RASAL1: variants seen among roughly 807,000 people sequenced by gnomAD.
RASAL1 encodes rasGAP-activating-like protein 1.
A neutral mutation model predicts 96.6 loss-of-function variants in RASAL1; 72 were observed. The ratio of observed to expected loss-of-function variants is 0.75; its 90% CI spans 0.62 to 0.91. The LOEUF is 0.91. Ranked by LOEUF, RASAL1 falls within the 40% of genes least tolerant of loss-of-function variation. The pLI is 0.00. For synonymous variants in RASAL1, 405 were observed against 430.4 expected (o/e 0.94, Z 0.73); for missense variants, 1,016 against 1,072.5 (o/e 0.95, Z 0.74).
rs1168223358 is a variant in RASAL1 at position 113,130,143 on chromosome 12, A to T, written c.122+742T>A. ...GGAACCAAGGCCTCAGCCACCCACC[A>T]GCCCACCCACCCCCATCAGGCCTCC... On this transcript the variant is annotated intron_variant, in intron 2 of 20. Coordinates refer to ENST00000548055, the MANE Select transcript of RASAL1 (RefSeq NM_001301202.2). This position sits in a 1 kb window ranked among gnomAD's most constrained non-coding sequence, Gnocchi z 5.1. Among the ~76,000 whole-genome samples the T allele has an allele frequency of 1.3e-5, 2 of 151,886 alleles. No homozygotes were observed. The highest frequency in any genetic ancestry group is 2.9e-5 in the Non-Finnish European group (2 of 67,944).
intron 2 of RASAL1, 131 bp from the exon 3 acceptor site, chr12:113,128,309 G>A (rs528596143): frequency 6.4e-6 from 4 of 621,358 alleles, no homozygotes; most frequent in Admixed American, 2.7e-5. Flanking sequence ...CACACTCAGA[G>A]ACCCCCCACA....
chr12:113,105,946 C>T (rs1950631383), intron 15 of RASAL1, 60 bp from the exon 16 acceptor site: 1 of 1,525,056 alleles, frequency 6.6e-7, no homozygotes, highest in African/African-American at 1.4e-5. Context: ...GCTCACCTTG[C>T]TCCACTAGCA....
intron 16 of RASAL1, 46 bp from the exon 17 acceptor site, chr12:113,104,344 CG>C (rs764450229): frequency 7.4e-6 from 10 of 1,346,388 alleles, no homozygotes; most frequent in Non-Finnish European, 1.0e-5. Flanking sequence ...GGGCTAGGGC[CG>C]GGGTGGGGAC....
At chr12:113,104,821 T>C (rs1411215889) in intron 16 of RASAL1, among the ~76,000 whole-genome samples, 1 of 152,238 alleles carries the variant, frequency 6.6e-6, no homozygotes, top group East Asian at 1.9e-4. Context: ...AGTGACAACT[T>C]CTCTGGGCAT....
intron 4 of RASAL1, among the ~76,000 whole-genome samples, chr12:113,125,332 G>GA (rs1190811772): frequency 3.9e-5 from 6 of 152,030 alleles, no homozygotes; most frequent in African/African-American, 4.8e-5. Flanking sequence ...GACAAATGGA[G>GA]AAAAAATATT....
chr12:113,133,045 C>T (rs764891320), intron 1 of RASAL1, among the ~76,000 whole-genome samples: 2 of 152,184 alleles, frequency 1.3e-5, no homozygotes, highest in Non-Finnish European at 2.9e-5. Context: ...CCTCAGTTTC[C>T]CCAACTACAG....
At chr12:113,122,405 C>T (rs897274355) in intron 4 of RASAL1, among the ~76,000 whole-genome samples, 1 of 152,218 alleles carries the variant, frequency 6.6e-6, no homozygotes, top group Admixed American at 6.5e-5. Flanking sequence ...CTCACTGCAG[C>T]CTCAGCCTCC....
chr12:113,122,891 A>C (rs1172259592), intron 4 of RASAL1, among the ~76,000 whole-genome samples: 5 of 152,184 alleles, frequency 3.3e-5, no homozygotes, highest in Non-Finnish European at 7.3e-5. Flanking sequence ...ATAAATGTTA[A>C]ACCTCCACAG....
Position 113,105,860 on chromosome 12 carries a change from A to G in RASAL1, c.1684T>C (p.Phe562Leu), listed in dbSNP as rs772470547. ...TCTCGAACAATGGCCGAGGGCGGGA[A>G]CAGGGCCCTGGCTGGGACACCAGCT... ...EEAGVPARAL[F>L]PPSAIVREGY... is the part of the protein sequence containing the mutation. The change falls in exon 16 of 21, where the codon TTC becomes CTC. Residue 562 changes from phenylalanine to leucine, a missense_variant. Coordinates refer to ENST00000548055, the MANE Select transcript of RASAL1 (RefSeq NM_001301202.2). 1 of 1,611,358 alleles carries G rather than the reference A, an allele frequency of 6.2e-7. No individual in the cohort carries two copies. The highest frequency in any genetic ancestry group is 8.5e-7 in the Non-Finnish European group (1 of 1,178,370).
At chr12:113,100,200 C>T in intron 20 of RASAL1, 132 bp from the exon 21 acceptor site, 1 of 1,053,430 alleles carries the variant, frequency 9.5e-7, no homozygotes, top group Non-Finnish European at 1.3e-6. Flanking sequence ...AGAATCCCCA[C>T]ACACAGCCCT....
intron 18 of RASAL1, among the ~76,000 whole-genome samples, chr12:113,102,240 A>G (rs888997674): frequency 1.3e-5 from 2 of 151,586 alleles, no homozygotes; most frequent in Admixed American, 1.3e-4. Flanking sequence ...ACATAGTGAG[A>G]CCTTGTCTCT....
rs371137700 is a variant in RASAL1 at position 113,126,949 on chromosome 12, AATT to A, written c.298+860_298+862del. The stretch of plus-strand genomic sequence containing the variant: ...AGTGTTCAGAATAATATTTATATAT[AATT>A]ATTATATATAAATATGTTATATGTT... On this transcript the variant is annotated intron_variant, in intron 4 of 20. Transcript: ENST00000548055. 2.6e-4 allele frequency among the ~76,000 whole-genome samples: 39 copies of A among 148,540 alleles called. No homozygotes were observed. The East Asian group carries it at 3.9e-3, about 15-fold the overall frequency.
At chr12:113,121,414 C>T in intron 5 of RASAL1, 95 bp downstream of exon 5, 2 of 1,565,152 alleles carry the variant, frequency 1.3e-6, no homozygotes, top group Non-Finnish European at 1.7e-6. Context: ...TGCCCCAGGA[C>T]TGAGGAGGTC....
chr12:113,104,363 G>C, intron 16 of RASAL1, 65 bp from the exon 17 acceptor site: 1 of 1,458,776 alleles, frequency 6.9e-7, no homozygotes. Context: ...GACACCTTCC[G>C]TCTGGTTGTG....
chr12:113,112,259 C>A lies in RASAL1; in HGVS notation c.1201G>T (p.Ala401Ser). The change falls in exon 13 of 21, where the codon GCA (alanine) becomes TCA (serine). Residue 401 changes from alanine to serine, a missense_variant. By Grantham distance (99) the Ala-to-Ser change is moderately conservative (BLOSUM62 1). Coordinates refer to ENST00000548055, the MANE Select transcript of RASAL1 (RefSeq NM_001301202.2). ...TCCCGCATCTGCTCCTCCGAGAGTG[C>A]GCCTTTGAAGGAGATCCTCCTGGAG... ...GRTRRISFKGALSEEQMRETS... is the reference protein window; with the variant it reads ...GRTRRISFKGSLSEEQMRETS... 13 of 1,263,020 alleles carry A rather than the reference C, an allele frequency of 1.0e-5. No individual in the cohort carries two copies. Among genetic ancestry groups the A allele is most frequent in the Non-Finnish European group, 1.3e-5 (13 of 995,528 alleles). 78.2% of individuals were successfully genotyped at this position (1,263,020 alleles called of 1,614,324 possible). A position where few individuals can be genotyped will look rare whatever the true frequency, so the allele number is the denominator to read the frequency against.
intron 15 of RASAL1, 59 bp downstream of exon 15, chr12:113,107,038 C>A: frequency 6.5e-7 from 1 of 1,535,864 alleles, no homozygotes; most frequent in Non-Finnish European, 8.8e-7. Context: ...AGGGGAAGTC[C>A]CTGAGTGGTG....
intron 7 of RASAL1, among the ~76,000 whole-genome samples, chr12:113,117,417 G>T (rs1033356893): frequency 1.3e-5 from 2 of 152,160 alleles, no homozygotes; most frequent in Non-Finnish European, 2.9e-5. Flanking sequence ...GGAGTGATTT[G>T]CCCAAGGTCA....
In RASAL1 at chr12:113,099,997, C is replaced by G; in HGVS notation, c.2350G>C (p.Asp784His). ...ARLLEVLADL[D>H]RAHEEFQQQE... ...TGCTGGAACTCCTCGTGGGCACGATCCAGGTCTGCGAGCACCTCCAGCAGG... is the reference window on the plus strand; with the variant it reads ...TGCTGGAACTCCTCGTGGGCACGATGCAGGTCTGCGAGCACCTCCAGCAGG... The change falls in exon 21 of 21, where the codon GAT (aspartate) becomes CAT (histidine). Residue 784 changes from aspartate (D) to histidine (H), a missense_variant. By Grantham distance (81) the Asp-to-His change is moderately conservative. Transcript: ENST00000548055. The G allele has an allele frequency of 6.2e-7, 1 of 1,613,920 alleles. No individual in the cohort carries two copies. Among genetic ancestry groups the G allele is most frequent in the South Asian group, 1.1e-5 (1 of 91,062 alleles).
chr12:113,113,322 C>T (rs556324072), intron 12 of RASAL1, among the ~76,000 whole-genome samples: 21 of 152,214 alleles, frequency 1.4e-4, no homozygotes, highest in African/African-American at 4.3e-4. Context: ...TCCCGTTTAA[C>T]AGATAAGAAA....
Sources: allele counts gnomAD v4.1 joint callset (sites outside exome capture counted in the v4.1 genomes callset), GRCh38; gene constraint gnomAD v4.1.1; non-coding constraint Gnocchi (gnomAD v3.1); transcripts MANE v1.5; gene names NCBI Gene and HGNC (gene_info 2026-07-23, HGNC 2026-07-21).